Variants in ERCC8 observed in about 807,000 individuals in gnomAD.
ERCC8 encodes the protein ERCC excision repair 8, CSA ubiquitin ligase complex subunit.
A neutral mutation model predicts 54.9 loss-of-function variants in ERCC8; 52 were observed. That is an observed-to-expected ratio of 0.95 (90% CI 0.76 to 1.19). ERCC8 has a LOEUF of 1.19. Among genes scored for constraint, ERCC8 ranks in the 50% most tolerant of loss-of-function variants. The probability of loss-of-function intolerance (pLI) is 0.00; values close to 1 mark genes in which losing one functional copy is unlikely to be tolerated. For missense variants in ERCC8, 514 were observed against 466.1 expected, an observed-to-expected ratio of 1.10 and a Z score of -0.95; for synonymous variants, 146 against 157.2, an observed-to-expected ratio of 0.93 and a Z score of 0.53.
intron 9 of ERCC8, among the ~76,000 whole-genome samples, chr5:60,895,102 G>A (rs772970902): frequency 2.5e-4 from 38 of 150,734 alleles, no homozygotes; most frequent in Non-Finnish European, 4.1e-4. Flanking sequence ...CCTGGGAGGT[G>A]GAGGCTGCAG....
chr5:60,883,233 T>C (rs868001920), intron 11 of ERCC8, among the ~76,000 whole-genome samples: 1 of 152,218 alleles, frequency 6.6e-6, no homozygotes, highest in South Asian at 2.1e-4. Flanking sequence ...TAATGATATA[T>C]GAATGCATTA....
At chr5:60,878,875 C>G (rs7735913) in intron 11 of ERCC8, among the ~76,000 whole-genome samples, 9,707 of 152,216 alleles carry the variant, frequency 0.064, 1,023 homozygotes, top group African/African-American at 0.22. Context: ...TCCTTCAGTT[C>G]TGCTCTGACC....
Position 60,903,612 on chromosome 5 carries a change from TCAAAGTAGTTGC to T in ERCC8, c.550+24_550+35del, listed in dbSNP as rs770494554. ...CGTTTCTTTTTATTGAATCGTTTAC[TCAAAGTAGTTGC>T]CGTTTGAAATAAAATAAAAATACCC... On this transcript the variant is annotated intron_variant, in intron 6 of 11. Coordinates refer to ENST00000676185, the MANE Select transcript of ERCC8 (RefSeq NM_000082.4). The T allele has an allele frequency of 4.3e-6, 7 of 1,611,698 alleles. No homozygotes were observed. In the Admixed American group the frequency reaches 6.7e-5, roughly 15 times the overall value.
At chr5:60,913,847 T>C (rs1749346759) in intron 4 of ERCC8, among the ~76,000 whole-genome samples, 1 of 152,148 alleles carries the variant, frequency 6.6e-6, no homozygotes, top group African/African-American at 2.4e-5. Context: ...CATTTCGTTA[T>C]GTACCCAGTA....
chr5:60,913,309 G>C (rs1208050808), intron 4 of ERCC8, among the ~76,000 whole-genome samples: 1 of 151,994 alleles, frequency 6.6e-6, no homozygotes, highest in Non-Finnish European at 1.5e-5. Flanking sequence ...CTTCTTCCTG[G>C]TTTAGTCTTG....
chr5:60,876,360 A>G (rs554901751), intron 11 of ERCC8, among the ~76,000 whole-genome samples: 1 of 152,312 alleles, frequency 6.6e-6, no homozygotes, highest in Non-Finnish European at 1.5e-5. Context: ...GTGTCTTTAT[A>G]GCAGCATGTT....
chr5:60,907,702 A>G (rs1749119522), intron 4 of ERCC8, among the ~76,000 whole-genome samples: 1 of 152,128 alleles, frequency 6.6e-6, no homozygotes, highest in African/African-American at 2.4e-5. Flanking sequence ...GCTCATTCCC[A>G]ACAGCACTAC....
intron 11 of ERCC8, among the ~76,000 whole-genome samples, chr5:60,884,533 T>TG (rs1258161019): frequency 2.9e-4 from 43 of 150,774 alleles, no homozygotes; most frequent in African/African-American, 7.1e-4. Flanking sequence ...GTTTTTTTTT[T>TG]TTTTGTTTTC....
At chr5:60,944,205 C>T (rs2112555501) in intron 1 of ERCC8, among the ~76,000 whole-genome samples, 1 of 152,234 alleles carries the variant, frequency 6.6e-6, no homozygotes, top group South Asian at 2.1e-4. Context: ...GATTCTATTT[C>T]TCAGACGTTG....
chr5:60,883,594 A>G (rs902043601), intron 11 of ERCC8, among the ~76,000 whole-genome samples: 3 of 152,218 alleles, frequency 2.0e-5, no homozygotes, highest in Admixed American at 6.5e-5. Flanking sequence ...ATATTTCTTG[A>G]TAACTTTCAA....
chr5:60,923,653 A>C (rs2120954), intron 2 of ERCC8, among the ~76,000 whole-genome samples: 134,923 of 152,114 alleles, frequency 0.89, 59,988 homozygotes, highest in East Asian at 0.95. Context: ...TAGTATACTT[A>C]TTTTTTTACA....
At chr5:60,917,890 G>A (rs1261102215) in intron 4 of ERCC8, 1 of 203,498 alleles carries the variant, frequency 4.9e-6, no homozygotes, top group Non-Finnish European at 1.0e-5. Context: ...TTCTACTTTA[G>A]ATTACTAGAT....
chr5:60,899,791 C>T (rs796974674), intron 7 of ERCC8, 64 bp from the exon 8 acceptor site: 3 of 1,194,692 alleles, frequency 2.5e-6, no homozygotes, highest in Admixed American at 3.4e-5. Context: ...CCCTCACCCA[C>T]CTTTCTAATT....
chr5:60,912,666 T>C (rs1363158131), intron 4 of ERCC8, among the ~76,000 whole-genome samples: 3 of 152,156 alleles, frequency 2.0e-5, no homozygotes, highest in Non-Finnish European at 4.4e-5. Context: ...CCCTGTCTTG[T>C]GCCAGTTTTC....
chr5:60,891,211 T>C (rs1748539336), intron 9 of ERCC8, 125 bp from the exon 10 acceptor site: 2 of 674,764 alleles, frequency 3.0e-6, no homozygotes, highest in South Asian at 3.6e-5. Context: ...AGGAAAATAT[T>C]CAACGTTGAC....
chr5:60,886,286 C>G (rs1055715862), intron 11 of ERCC8, among the ~76,000 whole-genome samples: 1 of 151,900 alleles, frequency 6.6e-6, no homozygotes, highest in African/African-American at 2.4e-5. Context: ...CTTTGTTTAC[C>G]TACTGTGTTT....
At chr5:60,943,165 G>A (rs1036484174) in intron 1 of ERCC8, among the ~76,000 whole-genome samples, 1 of 152,044 alleles carries the variant, frequency 6.6e-6, no homozygotes, top group Non-Finnish European at 1.5e-5. Context: ...CAGCTACTTA[G>A]GAGGATGAGA....
chr5:60,895,212 G>A (rs1377923785), intron 9 of ERCC8, among the ~76,000 whole-genome samples: 1 of 148,844 alleles, frequency 6.7e-6, no homozygotes, highest in Non-Finnish European at 1.5e-5. Context: ...TTTTTCTATA[G>A]GTTAGATAAG....
intron 1 of ERCC8, among the ~76,000 whole-genome samples, chr5:60,931,510 T>C (rs1425716847): frequency 6.6e-6 from 1 of 152,110 alleles, no homozygotes; most frequent in East Asian, 1.9e-4. Context: ...AGTATTGCTA[T>C]GTTGCCCAGG....
Sources: gnomAD v4.1 joint callset for allele counts (sites outside exome capture counted in the v4.1 genomes callset) on GRCh38, gnomAD v4.1.1 for gene constraint, MANE v1.5 for transcripts, NCBI Gene and HGNC (gene_info 2026-07-23, HGNC 2026-07-21) for gene names.